MGAM: variants seen among roughly 807,000 people sequenced by gnomAD.
The protein encoded by MGAM is alpha-1,4-glucosidase.
MGAM carries 253 observed loss-of-function variants against 358.8 expected under a neutral mutation model. The ratio of observed to expected loss-of-function variants is 0.71; its 90% CI spans 0.64 to 0.78. The LOEUF is 0.78. Among genes scored for constraint, MGAM ranks in the 30% least tolerant of loss-of-function variants. MGAM has a pLI of 0.00. For missense variants in MGAM, 3,080 were observed against 3,432.6 expected (o/e 0.90, Z 2.57); for synonymous variants, 1,105 against 1,227.1 (o/e 0.90, Z 2.08).
chr7:142,094,924 A>C, intron 63 of MGAM, 61 bp downstream of exon 63: 2 of 1,536,946 alleles, frequency 1.3e-6, no homozygotes, highest in Admixed American at 3.7e-5. Context: ...TTTCTGACCT[A>C]AAGTTAATGC....
Position 142,047,873 on chromosome 7 carries a change from G to A in MGAM, c.2587G>A (p.Asp863Asn), listed in dbSNP as rs374784553. 12 of 1,594,876 alleles carry A rather than the reference G, an allele frequency of 7.5e-6. No homozygotes were observed. The highest frequency in any genetic ancestry group is 2.2e-5 in the East Asian group (1 of 44,672). ...TTTCTGGGATAATGGGGAAACGAAG[G>A]GTGAGCACTTATACGATAATGTTGC... ...ELFWDNGETK[D>N]TVANKVYLLC... The change falls in exon 22 of 71, where the codon GAT becomes AAT. Residue 863 changes from aspartate to asparagine, a missense_variant and splice_region_variant. Around this residue, in one of 5 missense-constraint regions of MGAM, gnomAD observed 1,816 missense variants for 1,840.5 expected, o/e 0.99. Coordinates refer to ENST00000475668, the MANE Select transcript of MGAM (RefSeq NM_001365693.1).
intron 21 of MGAM, among the ~76,000 whole-genome samples, chr7:142,042,451 TATA>T (rs1808968370): frequency 4.3e-5 from 1 of 23,106 alleles, no homozygotes; most frequent in South Asian, 1.8e-3. Flanking sequence ...TAATATATAA[TATA>T]ACATATAATA....
intron 4 of MGAM, among the ~76,000 whole-genome samples, chr7:142,019,959 C>G (rs1397159837): frequency 1.3e-5 from 2 of 151,928 alleles, no homozygotes; most frequent in Non-Finnish European, 2.9e-5. Flanking sequence ...GTCCCAGCTA[C>G]TCAGGAGGCT....
At chr7:142,068,229 C>T (rs1278619573) in intron 42 of MGAM, among the ~76,000 whole-genome samples, 4 of 138,772 alleles carry the variant, frequency 2.9e-5, no homozygotes, top group Non-Finnish European at 6.5e-5. Context: ...AATATCCTGA[C>T]CTCATGATCT....
chr7:142,065,072 C>G (rs116860411), intron 37 of MGAM, among the ~76,000 whole-genome samples: 15 of 152,242 alleles, frequency 9.9e-5, no homozygotes, highest in Non-Finnish European at 1.8e-4. Flanking sequence ...AAACCATTAG[C>G]AAGACATAGT....
At chr7:142,076,922 G>T in intron 47 of MGAM, 96 bp downstream of exon 47, 1 of 1,340,382 alleles carries the variant, frequency 7.5e-7, no homozygotes, top group South Asian at 1.2e-5. Flanking sequence ...TGAAGTACCA[G>T]GGCACCTTTG....
chr7:142,013,925 C>T (rs1554455207), intron 3 of MGAM, among the ~76,000 whole-genome samples: 1 of 152,072 alleles, frequency 6.6e-6, no homozygotes, highest in African/African-American at 2.4e-5. Flanking sequence ...AGGCTCTGTC[C>T]CAGAAATTCT....
intron 15 of MGAM, 103 bp from the exon 16 acceptor site, chr7:142,034,566 GA>G: frequency 9.0e-7 from 1 of 1,110,398 alleles, no homozygotes; most frequent in Non-Finnish European, 1.3e-6. Context: ...AGTTGGAAGA[GA>G]ATGGGTTATT....
At chr7:142,041,477 T>A (rs1808532120) in intron 21 of MGAM, among the ~76,000 whole-genome samples, 4 of 152,070 alleles carry the variant, frequency 2.6e-5, no homozygotes, top group Admixed American at 2.6e-4. Flanking sequence ...TTCTAACTGT[T>A]CACCTTCAAG....
chr7:142,043,753 A>G (rs1312521093), intron 21 of MGAM, among the ~76,000 whole-genome samples: 2 of 79,320 alleles, frequency 2.5e-5, no homozygotes, highest in Non-Finnish European at 5.7e-5. Flanking sequence ...ATATACACAT[A>G]CGACATATAA....
intron 21 of MGAM, among the ~76,000 whole-genome samples, chr7:142,042,805 C>A (rs1215308224): frequency 6.4e-5 from 4 of 62,496 alleles, no homozygotes; most frequent in Non-Finnish European, 8.3e-5. Context: ...CATATAATAT[C>A]TAAATATAAT....
chr7:142,020,688 C>T (rs1203698095), intron 4 of MGAM, among the ~76,000 whole-genome samples: 7 of 151,002 alleles, frequency 4.6e-5, no homozygotes, highest in African/African-American at 1.7e-4. Flanking sequence ...CAACCTCCAC[C>T]TCTGGGGTTG....
Position 142,030,665 on chromosome 7 carries a change from T to C in MGAM, c.1378T>C (p.Ser460Pro), listed in dbSNP as rs1259477124. The C allele has an allele frequency of 6.2e-7, 1 of 1,612,910 alleles. No homozygotes were observed. The highest frequency in any genetic ancestry group is 1.3e-5 in the African/African-American group (1 of 74,854). Reference protein sequence around the residue: ...IVDPAISNNSSSSKPYGPYDR... With the variant: ...IVDPAISNNSPSSKPYGPYDR... ...GGATCCAGCCATCTCCAACAACTCT[T>C]CCTCAAGTAAACCCTATGGCCCATA... Residue 460 changes from serine to proline, a missense_variant, in exon 12 of 71, where the codon TCC becomes CCC. By Grantham distance (74) the Ser-to-Pro change is moderately conservative. Around this residue, in one of 5 missense-constraint regions of MGAM, gnomAD observed 1,816 missense variants for 1,840.5 expected, o/e 0.99. Transcript: ENST00000475668.
chr7:142,067,460 C>T lies in MGAM; in HGVS notation c.5004+35C>T, dbSNP rs374306972. 1.2e-3 allele frequency: 1,790 copies of T among 1,491,676 alleles called. 192 individuals are homozygous for T. Among genetic ancestry groups the T allele is most frequent in the East Asian group, 2.6e-3 (111 of 43,340 alleles). 92.4% of individuals were successfully genotyped at this position (1,491,676 alleles called of 1,614,324 possible). ...GAGGCCTCCGATGAGGGGAGGATCCCAGCTGTGAGGCTTGGGGAAAAGGAC... is the reference window on the plus strand; with the variant it reads ...GAGGCCTCCGATGAGGGGAGGATCCTAGCTGTGAGGCTTGGGGAAAAGGAC... On this transcript the variant is annotated intron_variant, in intron 42 of 70. Coordinates refer to ENST00000475668, the MANE Select transcript of MGAM (RefSeq NM_001365693.1).
chr7:142,070,991 C>T lies in MGAM; in HGVS notation c.5062-3C>T, dbSNP rs1245340189. 7 of 1,555,994 alleles carry T rather than the reference C, an allele frequency of 4.5e-6. No individual in the cohort carries two copies. The Admixed American group carries it at 1.0e-4, about 23-fold the overall frequency. On this transcript the variant is annotated splice_polypyrimidine_tract_variant and splice_region_variant and intron_variant, in intron 43 of 70. Transcript: ENST00000475668. Reference sequence around the variant, plus strand: ...ATCATCTTTTACCTTCTTCTGCCCCCAGGGTGTGGATATTAATGCAAGAGG... The same window carrying T: ...ATCATCTTTTACCTTCTTCTGCCCCTAGGGTGTGGATATTAATGCAAGAGG...
At chr7:142,061,666 T>C (rs1458466245) in intron 34 of MGAM, among the ~76,000 whole-genome samples, 1 of 152,182 alleles carries the variant, frequency 6.6e-6, no homozygotes, top group African/African-American at 2.4e-5. Context: ...CTTTCACTCT[T>C]ACAATGGTGT....
chr7:142,045,062 TTA>T lies in MGAM; in HGVS notation c.2499-2716_2499-2715del, dbSNP rs1563155976. ...TAATATATGATATATAATATGTATA[TTA>T]TATATACGTGTAATATATGATATAT... On this transcript the variant is annotated intron_variant, in intron 21 of 70. Transcript: ENST00000475668. Among the ~76,000 whole-genome samples the T allele has an allele frequency of 8.7e-5, 8 of 92,366 alleles. 1 individual carries two copies. The highest frequency in any genetic ancestry group is 3.2e-4 in the South Asian group (1 of 3,102). The allele number at this position is 92,366 out of a possible 152,430, so 60.6% of individuals were successfully genotyped here.
At chr7:142,022,239 C>T in intron 6 of MGAM, 29 bp from the exon 7 acceptor site, 1 of 1,572,142 alleles carries the variant, frequency 6.4e-7, no homozygotes, top group Non-Finnish European at 8.6e-7. Flanking sequence ...GCTTGCTCAC[C>T]CATCCTTGTG....
rs557255223 is a variant in MGAM, at chr7:142,089,702, G to A, written c.6811-2211G>A. ...CTTAGGAGGCTGAGGTAGGAGAATC[G>A]CTTGAACCCGGGAGGCAGAGGTTGC... On this transcript the variant is annotated intron_variant, in intron 57 of 70. Transcript: ENST00000475668. Among the ~76,000 whole-genome samples the A allele has an allele frequency of 4.8e-5, 7 of 145,140 alleles. 2 individuals are homozygous for A. The highest frequency in any genetic ancestry group is 1.4e-4 in the Admixed American group (2 of 14,460).
Sources: allele counts gnomAD v4.1 joint callset (sites outside exome capture counted in the v4.1 genomes callset), GRCh38; gene constraint gnomAD v4.1.1; regional missense constraint gnomAD v4.1.1; transcripts MANE v1.5; gene names NCBI Gene and HGNC (gene_info 2026-07-23, HGNC 2026-07-21).